CFAP47: variants seen among roughly 807,000 people sequenced by gnomAD.
CFAP47 encodes cilia and flagella associated protein 47, also known as cilia- and flagella-associated protein 47.
A neutral mutation model predicts 148.1 loss-of-function variants in CFAP47; 29 were observed. The observed-to-expected ratio is 0.20, with a 90% CI of 0.15 to 0.27. The LOEUF (loss-of-function observed/expected upper bound fraction) is 0.27, where lower values mean the gene tolerates loss of function less well. CFAP47 is among the 10% of genes least tolerant of loss of function. CFAP47 has a pLI of 1.00. For synonymous variants in CFAP47, 664 were observed against 577.3 expected, an observed-to-expected ratio of 1.15 and a Z score of -2.15; for missense variants, 1,872 against 1,697.5, an observed-to-expected ratio of 1.10 and a Z score of -1.81.
At position 35,958,575 on chromosome X, in the gene CFAP47, A is replaced by G. The variant is rs1485280023; in HGVS notation, c.1410+2379A>G. ...TTCTTTTTTTATTATAGCCATCCCA[A>G]TGGGTACAAAGTGGCATGTCCTTAT... is the stretch of plus-strand genomic sequence containing the variant. On this transcript the variant is annotated intron_variant, in intron 8 of 63. Transcript: ENST00000378653. Among the ~76,000 whole-genome samples the G allele has an allele frequency of 7.2e-5, 8 of 111,877 alleles. No individual in the cohort carries two copies. In the South Asian group the frequency reaches 1.1e-3, roughly 16 times the overall value.
chrX:36,306,890 T>C lies in CFAP47; in HGVS notation c.8187+14T>C, dbSNP rs1037771085. On this transcript the variant is annotated intron_variant, in intron 55 of 63. Transcript: ENST00000378653. ...TACTGTACTCAGGTATGATAGAGTATTCTTGGACCAAACCAAGTTAATTAA... is the reference window on the plus strand; with the variant it reads ...TACTGTACTCAGGTATGATAGAGTACTCTTGGACCAAACCAAGTTAATTAA... 1.1e-6 allele frequency: 1 copy of C among 891,358 alleles called. No homozygotes were observed. The highest frequency in any genetic ancestry group is 2.8e-4 in the Middle Eastern group (1 of 3,592). The allele number at this position is 891,358 out of a possible 1,213,427, so 73.5% of individuals were successfully genotyped here.
chrX:36,165,975 G>C (rs1357929020), intron 39 of CFAP47, among the ~76,000 whole-genome samples: 1 of 111,240 alleles, frequency 9.0e-6, no homozygotes, highest in Non-Finnish European at 1.9e-5. Flanking sequence ...AGATACCGGG[G>C]TTAGGGCTTC....
At chrX:36,143,144 C>T (rs1336802684) in intron 35 of CFAP47, among the ~76,000 whole-genome samples, 1 of 112,424 alleles carries the variant, frequency 8.9e-6, no homozygotes, top group African/African-American at 3.2e-5. Flanking sequence ...ATTTCCAAGG[C>T]TTCCTCAAAT....
At chrX:36,232,386 C>G (rs1348317627) in intron 46 of CFAP47, among the ~76,000 whole-genome samples, 1 of 111,845 alleles carries the variant, frequency 8.9e-6, no homozygotes, top group Non-Finnish European at 1.9e-5. Context: ...TCTAGACTTT[C>G]TAGTTTATTT....
chrX:35,984,096 T>C (rs1936682631), intron 15 of CFAP47, among the ~76,000 whole-genome samples: 1 of 111,200 alleles, frequency 9.0e-6, no homozygotes, highest in East Asian at 2.8e-4. Flanking sequence ...GGTTCTGGGC[T>C]TTTTCTGGTT....
chrX:36,046,677 T>A (rs2146733211), intron 25 of CFAP47, among the ~76,000 whole-genome samples, 177 bp from the exon 26 acceptor site: 1 of 111,947 alleles, frequency 8.9e-6, no homozygotes, highest in South Asian at 3.7e-4. Flanking sequence ...ATCATCCATC[T>A]TATATTGTGA....
intron 42 of CFAP47, among the ~76,000 whole-genome samples, chrX:36,193,863 T>A (rs1043278123): frequency 9.0e-5 from 10 of 111,430 alleles, no homozygotes; most frequent in African/African-American, 2.9e-4. Flanking sequence ...ATTTTGTACC[T>A]AATTGTCAGT....
chrX:36,322,953 A>G (rs186782840), intron 57 of CFAP47, among the ~76,000 whole-genome samples: 29 of 111,503 alleles, frequency 2.6e-4, no homozygotes, highest in African/African-American at 8.8e-4. Flanking sequence ...TAAGAGTACA[A>G]CAGAAATGGG....
intron 45 of CFAP47, among the ~76,000 whole-genome samples, chrX:36,208,331 T>G (rs944176030): frequency 9.0e-6 from 1 of 111,328 alleles, no homozygotes; most frequent in Non-Finnish European, 1.9e-5. Context: ...ATATGTACAG[T>G]CATCCCTCAG....
In CFAP47 at chrX:36,310,517, A is replaced by T. The variant is rs1209739918; in HGVS notation, c.8188-316A>T. 3.7e-5 allele frequency among the ~76,000 whole-genome samples: 4 copies of T among 107,126 alleles called. No homozygotes were observed. In the Admixed American group the frequency reaches 4.0e-4, roughly 11 times the overall value. 93.0% of individuals were successfully genotyped at this position (107,126 alleles called of 115,157 possible). A position where few individuals can be genotyped will look rare whatever the true frequency, so the allele number is the denominator to read the frequency against. On this transcript the variant is annotated intron_variant, in intron 55 of 63. Transcript: ENST00000378653. ...TATCAAGTTTGTTAAAAAAAAAAAA[A>T]CTTGAACAGAAGTGCCAGGTTTTCC...
At chrX:36,236,629 T>C in intron 47 of CFAP47, 57 bp from the exon 48 acceptor site, 1 of 483,935 alleles carries the variant, frequency 2.1e-6, no homozygotes, top group Admixed American at 3.4e-5. Context: ...ATAGCAGAGG[T>C]TGTTTAACAT....
At chrX:36,352,296 G>A (rs1416575243) in intron 59 of CFAP47, among the ~76,000 whole-genome samples, 1 of 111,012 alleles carries the variant, frequency 9.0e-6, no homozygotes, top group Admixed American at 9.6e-5. Flanking sequence ...AGCTTGTACA[G>A]TTTTTCCTAG....
At chrX:36,344,230 TA>T (rs200163584) in intron 57 of CFAP47, among the ~76,000 whole-genome samples, 4 of 36,567 alleles carry the variant, frequency 1.1e-4, no homozygotes, top group African/African-American at 4.6e-4. Context: ...TAAAGTATAA[TA>T]AAAAAAAGAA....
intron 10 of CFAP47, among the ~76,000 whole-genome samples, chrX:35,970,023 A>T (rs900865838): frequency 3.7e-5 from 4 of 108,859 alleles, no homozygotes; most frequent in Non-Finnish European, 5.7e-5. Context: ...TTAACTCGTC[A>T]TTTATATTAG....
chrX:36,214,537 A>T (rs868948268), intron 45 of CFAP47, among the ~76,000 whole-genome samples: 2 of 111,946 alleles, frequency 1.8e-5, no homozygotes, highest in Middle Eastern at 4.6e-3. Context: ...GACTCTTGTA[A>T]TAAAACTTAG....
intron 39 of CFAP47, among the ~76,000 whole-genome samples, chrX:36,171,238 T>G (rs1468986428): frequency 9.3e-6 from 1 of 107,234 alleles, no homozygotes; most frequent in Non-Finnish European, 1.9e-5. Context: ...TTTCTCCCAT[T>G]TTGTAGGTTG....
At chrX:36,161,842 T>C (rs184611131) in intron 39 of CFAP47, among the ~76,000 whole-genome samples, 28 of 112,564 alleles carry the variant, frequency 2.5e-4, no homozygotes, top group African/African-American at 8.0e-4. Context: ...AAATATTGTT[T>C]TGAAACAGTG....
chrX:35,960,481 A>T (rs1332970597), intron 8 of CFAP47, among the ~76,000 whole-genome samples: 1 of 107,443 alleles, frequency 9.3e-6, no homozygotes, highest in East Asian at 2.9e-4. Flanking sequence ...TTTTAACAAT[A>T]TTAAATCCTG....
At chrX:36,212,811 A>G (rs1161622034) in intron 45 of CFAP47, among the ~76,000 whole-genome samples, 1 of 111,349 alleles carries the variant, frequency 9.0e-6, no homozygotes, top group Non-Finnish European at 1.9e-5. Context: ...AAGGACACCA[A>G]TTTAAAAACT....
Sources: allele counts gnomAD v4.1 joint callset (sites outside exome capture counted in the v4.1 genomes callset), GRCh38; gene constraint gnomAD v4.1.1; transcripts MANE v1.5; gene names NCBI Gene and HGNC (gene_info 2026-07-23, HGNC 2026-07-21).